RAB38: variants seen among roughly 807,000 people sequenced by gnomAD.
RAB38 encodes RAB38, member RAS oncogene family, also known as ras-related protein Rab-38.
Under a neutral mutation model 18.4 loss-of-function variants are expected in RAB38, and 15 were observed. The observed-to-expected ratio is 0.82, with a 90% CI of 0.55 to 1.26. The LOEUF (loss-of-function observed/expected upper bound fraction) is 1.26. Ranked by LOEUF, RAB38 falls within the 50% of genes most tolerant of loss-of-function variation. The probability of loss-of-function intolerance (pLI) is 0.00; values close to 1 mark genes in which losing one functional copy is unlikely to be tolerated. For missense variants in RAB38, 294 were observed against 267.4 expected, an observed-to-expected ratio of 1.10 and a Z score of -0.69; for synonymous variants, 101 against 104.4, an observed-to-expected ratio of 0.97 and a Z score of 0.20.
chr11:87,808,064 G>T, the RAB38 span, among the ~76,000 whole-genome samples: 2 of 152,248 alleles, frequency 1.3e-5, no homozygotes, highest in African/African-American at 4.8e-5. Flanking sequence ...TCCTTTCATG[G>T]ACAAACCTTA....
At position 88,157,395 on chromosome 11, in the gene RAB38, T is replaced by C. The variant is rs147134789; in HGVS notation, c.203-7440A>G. On this transcript the variant is annotated intron_variant, in intron 1 of 2. Coordinates refer to ENST00000243662, the MANE Select transcript of RAB38 (RefSeq NM_022337.3). Reference sequence around the variant, plus strand: ...GACAGAGACAACCACATAATAATAGTGGGGGACTTCAATATCCCACTGTCA... The same window carrying C: ...GACAGAGACAACCACATAATAATAGCGGGGGACTTCAATATCCCACTGTCA... Among the ~76,000 whole-genome samples the C allele has an allele frequency of 9.0e-3, 1,378 of 152,294 alleles. 22 individuals are homozygous for C. The highest frequency in any genetic ancestry group is 0.032 in the African/African-American group (1,310 of 41,562).
At chr11:87,928,092 A>T in the RAB38 span, among the ~76,000 whole-genome samples, 25 of 145,506 alleles carry the variant, frequency 1.7e-4, no homozygotes, top group Non-Finnish European at 3.1e-4. Context: ...AAGAAAACAG[A>T]AAAGACAAGA....
At chr11:88,096,087 A>G in the RAB38 span, among the ~76,000 whole-genome samples, 637 of 137,912 alleles carry the variant, frequency 4.6e-3, 12 homozygotes, top group East Asian at 0.011. Context: ...CGGTTATATA[A>G]TTCCACTCCT....
At chr11:88,122,722 CAA>C (rs1411764638) in intron 2 of RAB38, among the ~76,000 whole-genome samples, 1 of 152,196 alleles carries the variant, frequency 6.6e-6, no homozygotes, top group East Asian at 1.9e-4. Context: ...TTATTCAACT[CAA>C]AGTGTTATTT....
the RAB38 span, among the ~76,000 whole-genome samples, chr11:87,909,562 A>T: frequency 6.6e-6 from 1 of 152,084 alleles, no homozygotes; most frequent in Non-Finnish European, 1.5e-5. Context: ...GTACATCCAT[A>T]AAATCAGAAT....
chr11:88,170,111 CACG>C (rs1943291782), intron 1 of RAB38, among the ~76,000 whole-genome samples: 1 of 152,210 alleles, frequency 6.6e-6, no homozygotes, highest in Admixed American at 6.5e-5. Flanking sequence ...ACCCAGATGA[CACG>C]ACATGTCCTG....
the RAB38 span, among the ~76,000 whole-genome samples, chr11:88,103,850 A>T: frequency 3.0e-4 from 46 of 152,084 alleles, no homozygotes; most frequent in Non-Finnish European, 6.0e-4. Context: ...GGATTCTCTT[A>T]CCAGAGTCAG....
the RAB38 span, among the ~76,000 whole-genome samples, chr11:87,914,782 G>T: frequency 1.3e-5 from 2 of 152,170 alleles, no homozygotes; most frequent in Non-Finnish European, 2.9e-5. Context: ...GCCCTGCATT[G>T]TTTCAGGACA....
chr11:87,884,115 A>G, the RAB38 span, among the ~76,000 whole-genome samples: 814 of 152,042 alleles, frequency 5.4e-3, 7 homozygotes, highest in African/African-American at 0.018. Context: ...TCTGACATAA[A>G]TGGTCTCTAT....
the RAB38 span, among the ~76,000 whole-genome samples, chr11:87,976,482 A>G: frequency 2.5e-5 from 3 of 118,634 alleles, no homozygotes; most frequent in South Asian, 7.5e-4. Context: ...ATAGTTATAT[A>G]TTTTTATATA....
chr11:87,819,800 G>GTA, the RAB38 span, among the ~76,000 whole-genome samples: 187 of 143,424 alleles, frequency 1.3e-3, 1 homozygote, highest in African/African-American at 1.8e-3. Flanking sequence ...ATGTGTGTGT[G>GTA]TATATATATA....
chr11:87,912,225 T>C, the RAB38 span, among the ~76,000 whole-genome samples: 1 of 151,988 alleles, frequency 6.6e-6, no homozygotes, highest in Non-Finnish European at 1.5e-5. Flanking sequence ...TAGAATAAAT[T>C]GGGAGGCATT....
the RAB38 span, among the ~76,000 whole-genome samples, chr11:87,928,978 G>A: frequency 6.6e-6 from 1 of 151,956 alleles, no homozygotes. Flanking sequence ...AGCTGTGTGT[G>A]GTCGTGTATA....
chr11:87,894,458 C>A, the RAB38 span, among the ~76,000 whole-genome samples: 1 of 151,536 alleles, frequency 6.6e-6, no homozygotes, highest in Admixed American at 6.6e-5. Context: ...GGAGCAGTTC[C>A]GACATACTTT....
chr11:87,975,202 T>C, the RAB38 span, among the ~76,000 whole-genome samples: 1 of 151,884 alleles, frequency 6.6e-6, no homozygotes, highest in African/African-American at 2.4e-5. Context: ...AAATCCAAGA[T>C]GATTTTATCT....
the RAB38 span, among the ~76,000 whole-genome samples, chr11:88,029,818 C>A: frequency 6.6e-6 from 1 of 152,184 alleles, no homozygotes; most frequent in South Asian, 2.1e-4. Context: ...TTAGACAGAT[C>A]AACGAGACAG....
the RAB38 span, among the ~76,000 whole-genome samples, chr11:87,835,117 A>G: frequency 6.6e-6 from 1 of 152,230 alleles, no homozygotes; most frequent in Non-Finnish European, 1.5e-5. Flanking sequence ...TGAGAAACCA[A>G]ATCTGACTAA....
chr11:87,805,765 G>A, the RAB38 span, among the ~76,000 whole-genome samples: 10,944 of 151,832 alleles, frequency 0.072, 465 homozygotes, highest in African/African-American at 0.11. Context: ...ATATATGTGT[G>A]TATATATATA....
At chr11:87,883,663 C>G in the RAB38 span, among the ~76,000 whole-genome samples, 1 of 151,870 alleles carries the variant, frequency 6.6e-6, no homozygotes, top group Non-Finnish European at 1.5e-5. Context: ...GTGTGCCCAA[C>G]TTAATCACTT....
Sources: gnomAD v4.1 joint callset for allele counts (sites outside exome capture counted in the v4.1 genomes callset) on GRCh38, gnomAD v4.1.1 for gene constraint, MANE v1.5 for transcripts, NCBI Gene and HGNC (gene_info 2026-07-23, HGNC 2026-07-21) for gene names.